Variants in PPFIA2 observed in about 807,000 individuals in gnomAD.
PPFIA2 encodes PPFI scaffold protein A2.
PPFIA2 carries 46 observed loss-of-function variants against 175.5 expected under a neutral mutation model. The observed-to-expected ratio is 0.26, with a 90% confidence interval of 0.21 to 0.34. The LOEUF (loss-of-function observed/expected upper bound fraction) is 0.34, where lower values mean the gene tolerates loss of function less well. Among genes scored for constraint, PPFIA2 ranks in the 10% least tolerant of loss-of-function variants. PPFIA2 has a pLI of 1.00. For synonymous variants in PPFIA2, 568 were observed against 511.4 expected (o/e 1.11, Z -1.49); for missense variants, 1,179 against 1,506.1 (o/e 0.78, Z 3.60).
At chr12:81,535,164 T>C (rs2065196262) in intron 4 of PPFIA2, among the ~76,000 whole-genome samples, 1 of 151,760 alleles carries the variant, frequency 6.6e-6, no homozygotes, top group Non-Finnish European at 1.5e-5. Flanking sequence ...TGTTGCCTAG[T>C]TGAGTAGACA....
At chr12:81,505,388 C>A (rs1209960456) in intron 4 of PPFIA2, among the ~76,000 whole-genome samples, 1 of 152,060 alleles carries the variant, frequency 6.6e-6, no homozygotes, top group Non-Finnish European at 1.5e-5. Context: ...GTTAATGCTT[C>A]ATCTTGGCAA....
intron 22 of PPFIA2, among the ~76,000 whole-genome samples, chr12:81,311,862 C>T (rs2050983259): frequency 6.6e-6 from 1 of 152,028 alleles, no homozygotes; most frequent in African/African-American, 2.4e-5. Flanking sequence ...CACATTGACC[C>T]TTTAGGGAAT....
At chr12:81,410,173 C>T (rs1166575214) in intron 7 of PPFIA2, among the ~76,000 whole-genome samples, 1 of 152,082 alleles carries the variant, frequency 6.6e-6, no homozygotes, top group Non-Finnish European at 1.5e-5. Flanking sequence ...TTCCTGTCTC[C>T]ACAACTGTGA....
intron 31 of PPFIA2, 128 bp from the exon 32 acceptor site, chr12:81,262,168 T>A (rs1638276942): frequency 1.5e-6 from 1 of 658,270 alleles, no homozygotes; most frequent in Non-Finnish European, 2.7e-6. Context: ...CTCTCAGATA[T>A]AAGCCACTCA....
At chr12:81,471,161 G>A (rs1023885048) in intron 4 of PPFIA2, 16 of 148,674 alleles carry the variant, frequency 1.1e-4, no homozygotes, top group African/African-American at 4.0e-4. Flanking sequence ...ATTTGAGACA[G>A]AGTCGTGCTC....
intron 7 of PPFIA2, among the ~76,000 whole-genome samples, chr12:81,426,488 AG>A (rs1210881743): frequency 6.6e-6 from 1 of 152,198 alleles, no homozygotes; most frequent in Non-Finnish European, 1.5e-5. Context: ...GGTCCTATGG[AG>A]GACTGTGCCC....
chr12:81,661,986 G>A (rs1476055682), intron 4 of PPFIA2, among the ~76,000 whole-genome samples: 4 of 152,168 alleles, frequency 2.6e-5, no homozygotes, highest in Admixed American at 2.6e-4. Flanking sequence ...AAATAAAGAT[G>A]TTCTTCGAAA....
At chr12:81,510,751 G>A (rs959545960) in intron 4 of PPFIA2, among the ~76,000 whole-genome samples, 1 of 151,976 alleles carries the variant, frequency 6.6e-6, no homozygotes, top group Admixed American at 6.6e-5. Context: ...ATATAGTGAT[G>A]TACTAGTTTT....
Position 81,497,530 on chromosome 12 carries a change from CTTTTTTTTTT to C in PPFIA2, c.304-39674_304-39665del, listed in dbSNP as rs34030284. Among the ~76,000 whole-genome samples, 75 of 66,202 alleles carry C rather than the reference CTTTTTTTTTT, an allele frequency of 1.1e-3. 2 individuals carry two copies. Among genetic ancestry groups the C allele is most frequent in the Middle Eastern group, 8.5e-3 (1 of 118 alleles). 43.4% of individuals were successfully genotyped at this position (66,202 alleles called of 152,430 possible). On this transcript the variant is annotated intron_variant, in intron 4 of 32. Transcript: ENST00000549396. The stretch of plus-strand genomic sequence containing the variant: ...AGTGACATCCCTATTTCATTGATGT[CTTTTTTTTTT>C]TTTTTTTTTTTTTTTTGGGGCAGAG...
chr12:81,744,614 CG>C (rs1555659168), intron 3 of PPFIA2, among the ~76,000 whole-genome samples: 1 of 151,952 alleles, frequency 6.6e-6, no homozygotes, highest in Non-Finnish European at 1.5e-5. Flanking sequence ...TCAGTAGAGA[CG>C]TGGTTTCACC....
intron 7 of PPFIA2, among the ~76,000 whole-genome samples, chr12:81,426,119 C>T (rs2047095517): frequency 6.6e-6 from 1 of 152,202 alleles, no homozygotes; most frequent in South Asian, 2.1e-4. Context: ...TCTCTCCCAA[C>T]TTCAAAGCTG....
Position 81,281,397 on chromosome 12 carries a change from A to G in PPFIA2, c.3072T>C (p.Ile1024=), listed in dbSNP as rs1405528982. 1 of 1,611,814 alleles carries G rather than the reference A, an allele frequency of 6.2e-7. No homozygotes were observed. The highest frequency in any genetic ancestry group is 1.3e-5 in the African/African-American group (1 of 74,834). The change falls in exon 27 of 33, where the codon ATT becomes ATC. Residue 1024 remains isoleucine (I), a synonymous_variant. Coordinates refer to ENST00000549396, the MANE Select transcript of PPFIA2 (RefSeq NM_003625.5). ...LAYGDMNHEW[I]GNEWLPSLGL... ...CCAAGCTGGGAAGCCATTCATTTCC[A>G]ATCCACTCATGATTCATATCTCCAT...
At chr12:81,517,855 A>G (rs2062650089) in intron 4 of PPFIA2, among the ~76,000 whole-genome samples, 2 of 150,484 alleles carry the variant, frequency 1.3e-5, no homozygotes, top group South Asian at 2.1e-4. Context: ...CTCTTTCCTG[A>G]AAACATACAG....
chr12:81,504,902 C>G (rs1438213859), intron 4 of PPFIA2, among the ~76,000 whole-genome samples: 1 of 152,062 alleles, frequency 6.6e-6, no homozygotes, highest in Admixed American at 6.6e-5. Context: ...GAACAGAAAA[C>G]CAAACACCAC....
At chr12:81,584,501 G>T (rs1194123153) in intron 4 of PPFIA2, among the ~76,000 whole-genome samples, 1 of 151,616 alleles carries the variant, frequency 6.6e-6, no homozygotes, top group Non-Finnish European at 1.5e-5. Context: ...GATAAAGTAT[G>T]CTACAGTTAT....
intron 3 of PPFIA2, among the ~76,000 whole-genome samples, chr12:81,691,064 G>A (rs1245512088): frequency 6.6e-6 from 1 of 152,102 alleles, no homozygotes; most frequent in Non-Finnish European, 1.5e-5. Flanking sequence ...AGGTAACATA[G>A]CCACATGTCC....
chr12:81,397,510 T>C (rs1029463065), intron 8 of PPFIA2, among the ~76,000 whole-genome samples: 5 of 152,080 alleles, frequency 3.3e-5, no homozygotes, highest in African/African-American at 1.2e-4. Flanking sequence ...GGCCTGAGAA[T>C]TGGCCTTATA....
At chr12:81,425,932 G>T (rs2144135729) in intron 7 of PPFIA2, among the ~76,000 whole-genome samples, 1 of 152,234 alleles carries the variant, frequency 6.6e-6, no homozygotes. Flanking sequence ...ATTTATAGTT[G>T]TGTGGTAAAG....
intron 21 of PPFIA2, 130 bp from the exon 22 acceptor site, chr12:81,326,000 C>A: frequency 1.6e-6 from 1 of 608,968 alleles, no homozygotes. Flanking sequence ...ATATTACTAA[C>A]CCAAGATGCA....
Sources: allele counts gnomAD v4.1 joint callset (sites outside exome capture counted in the v4.1 genomes callset), GRCh38; gene constraint gnomAD v4.1.1; transcripts MANE v1.5; gene names NCBI Gene and HGNC (gene_info 2026-07-23, HGNC 2026-07-21).